The following TIAM2 variants were observed in gnomAD, a reference collection of about 807,000 sequenced individuals.
The protein encoded by TIAM2 is rho guanine nucleotide exchange factor TIAM2.
In TIAM2, 80 loss-of-function variants were observed where a neutral mutation model predicts 152.9. The observed-to-expected ratio is 0.52, with a 90% CI of 0.44 to 0.63. The LOEUF (loss-of-function observed/expected upper bound fraction) is 0.63, where lower values mean the gene tolerates loss of function less well. Ranked by LOEUF, TIAM2 falls within the 30% of genes least tolerant of loss-of-function variation. The probability of loss-of-function intolerance (pLI) is 0.00; values close to 1 mark genes in which losing one functional copy is unlikely to be tolerated. For synonymous variants in TIAM2, 804 were observed against 838.0 expected, an observed-to-expected ratio of 0.96 and a Z score of 0.70; for missense variants, 1,965 against 2,120.1, an observed-to-expected ratio of 0.93 and a Z score of 1.44.
At chr6:155,205,679 T>C (rs1781580196) in intron 14 of TIAM2, among the ~76,000 whole-genome samples, 1 of 152,140 alleles carries the variant, frequency 6.6e-6, no homozygotes, top group Non-Finnish European at 1.5e-5. Flanking sequence ...GAGTCAGGCT[T>C]CCTTAGGATT....
chr6:155,040,261 C>G (rs1426883400), intron 1 of TIAM2, among the ~76,000 whole-genome samples: 1 of 152,154 alleles, frequency 6.6e-6, no homozygotes, highest in East Asian at 1.9e-4. Flanking sequence ...CTTCATCAAT[C>G]AGGGTTTAGA....
At chr6:155,165,681 G>A (rs1780413515) in intron 9 of TIAM2, among the ~76,000 whole-genome samples, 2 of 152,110 alleles carry the variant, frequency 1.3e-5, no homozygotes, top group Non-Finnish European at 2.9e-5. Flanking sequence ...CCAGCTACTC[G>A]GGAAGCTGAA....
chr6:155,227,210 G>A (rs2115257623), intron 15 of TIAM2, among the ~76,000 whole-genome samples: 1 of 152,302 alleles, frequency 6.6e-6, no homozygotes, highest in African/African-American at 2.4e-5. Context: ...TGTTAAGAAA[G>A]TGGGATTCCA....
At chr6:155,252,865 C>T in intron 23 of TIAM2, 83 bp from the exon 24 acceptor site, 1 of 1,286,902 alleles carries the variant, frequency 7.8e-7, no homozygotes, top group East Asian at 2.3e-5. Flanking sequence ...ACAGGGAGAA[C>T]ATAAACTTCT....
At chr6:155,002,465 A>T (rs2114837042) in intron 1 of TIAM2, among the ~76,000 whole-genome samples, 1 of 150,880 alleles carries the variant, frequency 6.6e-6, no homozygotes, top group South Asian at 2.1e-4. Context: ...CGAAATGAGA[A>T]AGTTCACTAA....
rs529343482 is a variant in TIAM2 at position 155,135,969 on chromosome 6, C to T, written c.1195-1208C>T. On this transcript the variant is annotated intron_variant, in intron 4 of 26. Coordinates refer to ENST00000682666, the MANE Select transcript of TIAM2 (RefSeq NM_012454.4). ...CAGCGCTTTGGGAGGCTGAGGTGGG[C>T]GGATCACCTGAGGTTGGGAGTTTGA... Among the ~76,000 whole-genome samples, 452 of 151,616 alleles carry T rather than the reference C, an allele frequency of 3.0e-3. 2 individuals are homozygous for T. The highest frequency in any genetic ancestry group is 0.01 in the African/African-American group (419 of 41,388).
intron 1 of TIAM2, among the ~76,000 whole-genome samples, chr6:155,031,042 G>A (rs1396367835): frequency 6.6e-6 from 1 of 152,160 alleles, no homozygotes; most frequent in African/African-American, 2.4e-5. Flanking sequence ...TCTTTGTTGT[G>A]TGTGGCTAAG....
chr6:155,139,108 C>T (rs1482582763), intron 5 of TIAM2, among the ~76,000 whole-genome samples: 1 of 152,182 alleles, frequency 6.6e-6, no homozygotes, highest in African/African-American at 2.4e-5. Flanking sequence ...TCAAGTGATG[C>T]CCTTCCCTGT....
chr6:155,118,714 C>T (rs1339802920), intron 2 of TIAM2, among the ~76,000 whole-genome samples: 1 of 152,058 alleles, frequency 6.6e-6, no homozygotes, highest in Non-Finnish European at 1.5e-5. Flanking sequence ...CGATTACAGG[C>T]GTGAGCCACC....
At chr6:155,036,353 TA>T (rs1411744201) in intron 1 of TIAM2, among the ~76,000 whole-genome samples, 1 of 151,646 alleles carries the variant, frequency 6.6e-6, no homozygotes, top group Non-Finnish European at 1.5e-5. Flanking sequence ...GGCAATATGG[TA>T]AACCCTGTCT....
At chr6:155,130,439 G>A (rs753965011) in intron 4 of TIAM2, 22 bp downstream of exon 4, 1 of 1,597,556 alleles carries the variant, frequency 6.3e-7, no homozygotes, top group South Asian at 1.1e-5. Context: ...TTAGAGCAGA[G>A]GGAAGGGTCC....
intron 14 of TIAM2, among the ~76,000 whole-genome samples, chr6:155,204,421 G>A (rs890302143): frequency 6.6e-6 from 1 of 151,992 alleles, no homozygotes; most frequent in East Asian, 1.9e-4. Flanking sequence ...ACGGCTTCTG[G>A]AGAGGTTCTG....
chr6:155,202,593 T>TG (rs1327658845), intron 14 of TIAM2, among the ~76,000 whole-genome samples: 1 of 143,872 alleles, frequency 7.0e-6, no homozygotes, highest in Non-Finnish European at 1.6e-5. Context: ...TAACTTTTTT[T>TG]TTTTTTTTTT....
rs183895064 is a variant in TIAM2 at position 155,157,080 on chromosome 6, C to T, written c.2029-7335C>T. The stretch of plus-strand genomic sequence containing the variant: ...ATAAAATACGTGCTCCTGGAGGAAC[C>T]GTGTCTGTTTTTTTATCTCTGAACC... On this transcript the variant is annotated intron_variant, in intron 7 of 26. Transcript: ENST00000682666. Among the ~76,000 whole-genome samples, 537 of 151,870 alleles carry T rather than the reference C, an allele frequency of 3.5e-3. 2 individuals are homozygous for T. The highest frequency in any genetic ancestry group is 5.4e-3 in the Non-Finnish European group (370 of 68,006).
intron 1 of TIAM2, among the ~76,000 whole-genome samples, chr6:155,008,383 T>TATA (rs1160848796): frequency 6.6e-6 from 1 of 152,186 alleles, no homozygotes; most frequent in African/African-American, 2.4e-5. Context: ...ATGACGAACA[T>TATA]ATACCTCAAA....
intron 1 of TIAM2, among the ~76,000 whole-genome samples, chr6:155,080,474 C>T (rs533047179): frequency 1.3e-4 from 19 of 151,506 alleles, no homozygotes; most frequent in Admixed American, 3.3e-4. Context: ...GAGTCTTGCT[C>T]TGTCCCCCAG....
intron 1 of TIAM2, among the ~76,000 whole-genome samples, chr6:155,067,380 C>T (rs564110242): frequency 6.6e-6 from 1 of 152,258 alleles, no homozygotes; most frequent in South Asian, 2.1e-4. Flanking sequence ...AGAGTCGGAA[C>T]TCACATGTCT....
chr6:155,231,748 C>T (rs538882841), intron 15 of TIAM2, among the ~76,000 whole-genome samples: 1 of 152,360 alleles, frequency 6.6e-6, no homozygotes, highest in Admixed American at 6.5e-5. Flanking sequence ...TCCCACTGTG[C>T]AGTCCAGATG....
intron 1 of TIAM2, among the ~76,000 whole-genome samples, chr6:155,043,185 C>T (rs1777085894): frequency 6.6e-6 from 1 of 152,152 alleles, no homozygotes; most frequent in Non-Finnish European, 1.5e-5. Flanking sequence ...GCTGACTGTG[C>T]ACTCACCTGC....
Sources: gnomAD v4.1 joint callset for allele counts (sites outside exome capture counted in the v4.1 genomes callset) on GRCh38, gnomAD v4.1.1 for gene constraint, MANE v1.5 for transcripts, NCBI Gene and HGNC (gene_info 2026-07-23, HGNC 2026-07-21) for gene names.